Variants in CCDC13 observed in about 807,000 individuals in gnomAD.
CCDC13 encodes coiled-coil domain-containing protein 13.
A neutral mutation model predicts 87.3 loss-of-function variants in CCDC13; 70 were observed. The ratio of observed to expected loss-of-function variants is 0.80; its 90% CI spans 0.66 to 0.98. CCDC13 has a LOEUF of 0.98. Ranked by LOEUF, CCDC13 falls within the 50% of genes least tolerant of loss-of-function variation. CCDC13 has a pLI of 0.00. For synonymous variants in CCDC13, 317 were observed against 360.3 expected (o/e 0.88, Z 1.36); for missense variants, 842 against 892.0 (o/e 0.94, Z 0.71).
At chr3:42,748,583 G>T (rs1699485123) in intron 5 of CCDC13, among the ~76,000 whole-genome samples, 1 of 152,196 alleles carries the variant, frequency 6.6e-6, no homozygotes, top group African/African-American at 2.4e-5. Flanking sequence ...CAAGTATACT[G>T]GGTCCGGGAA....
At chr3:42,731,989 G>A (rs1423264280) in intron 12 of CCDC13, among the ~76,000 whole-genome samples, 13 of 152,218 alleles carry the variant, frequency 8.5e-5, no homozygotes, top group Admixed American at 7.2e-4. Flanking sequence ...CCTGGAAGGG[G>A]CTCGAAGGGG....
chr3:42,752,654 C>A lies in CCDC13; in HGVS notation c.434G>T (p.Arg145Leu). 6.2e-7 allele frequency: 1 copy of A among 1,614,202 alleles called. No homozygotes were observed. The highest frequency in any genetic ancestry group is 8.5e-7 in the Non-Finnish European group (1 of 1,180,034). ...TKIVELSKKN[R>L]LLMAESEGAK... ...ACCCTCTGATTCTGCCATCAACAGC[C>A]GGTTCTTTTTTGATAGCTCCACAAT... Residue 145 changes from arginine to leucine, a missense_variant, in exon 4 of 16, where the codon CGG becomes CTG. By Grantham distance (102) the Arg-to-Leu change is moderately radical. Transcript: ENST00000310232.
intron 6 of CCDC13, chr3:42,746,922 C>T (rs1250822661): frequency 2.3e-6 from 1 of 428,472 alleles, no homozygotes; most frequent in East Asian, 5.1e-5. Context: ...CCAGGATCTA[C>T]TGGGGCACAA....
rs1364835120 is a variant in CCDC13, at chr3:42,722,821, G to A, written c.1718+7646C>T. ...TTTTTTTTTTTTTTTTTTTGGAGAC[G>A]AGTCTCGCTCAGTCACCCAGGCTGG... On this transcript the variant is annotated intron_variant, in intron 13 of 15. Coordinates refer to ENST00000310232, the MANE Select transcript of CCDC13 (RefSeq NM_144719.4). Among the ~76,000 whole-genome samples the A allele has an allele frequency of 7.7e-5, 10 of 130,450 alleles. No individual in the cohort carries two copies. The South Asian group carries it at 2.2e-3, about 29-fold the overall frequency. 85.6% of individuals were successfully genotyped at this position (130,450 alleles called of 152,430 possible). A position where few individuals can be genotyped will look rare whatever the true frequency, so the allele number is the denominator to read the frequency against.
At chr3:42,730,256 G>A (rs1210961848) in intron 13 of CCDC13, among the ~76,000 whole-genome samples, 1 of 152,080 alleles carries the variant, frequency 6.6e-6, no homozygotes, top group African/African-American at 2.4e-5. Flanking sequence ...CCCATTGGGT[G>A]CATGTAGAAT....
chr3:42,724,347 T>C (rs1698638381), intron 13 of CCDC13, among the ~76,000 whole-genome samples: 1 of 152,220 alleles, frequency 6.6e-6, no homozygotes, highest in Non-Finnish European at 1.5e-5. Flanking sequence ...CATCTTCAGC[T>C]TCCAATCTAT....
intron 3 of CCDC13, among the ~76,000 whole-genome samples, chr3:42,755,422 C>T (rs879781790): frequency 1.3e-5 from 2 of 152,146 alleles, no homozygotes; most frequent in African/African-American, 2.4e-5. Context: ...GACTAGCCAA[C>T]ATGGTGAAAC....
At chr3:42,764,260 G>C (rs1312224948) in intron 1 of CCDC13, among the ~76,000 whole-genome samples, 1 of 152,174 alleles carries the variant, frequency 6.6e-6, no homozygotes, top group African/African-American at 2.4e-5. Context: ...GGTATAATGA[G>C]GCGTGTCCAA....
chr3:42,729,376 G>A (rs761134576), intron 13 of CCDC13, among the ~76,000 whole-genome samples: 3 of 152,196 alleles, frequency 2.0e-5, no homozygotes, highest in Admixed American at 6.5e-5. Flanking sequence ...TGTACTATGT[G>A]AAAGCAAAGC....
chr3:42,767,229 G>T (rs973021043), intron 1 of CCDC13, among the ~76,000 whole-genome samples: 34 of 150,974 alleles, frequency 2.3e-4, no homozygotes, highest in African/African-American at 8.3e-4. Flanking sequence ...AAGGTTGCAA[G>T]AAGTAAGGTT....
At chr3:42,729,937 G>A (rs1383598336) in intron 13 of CCDC13, among the ~76,000 whole-genome samples, 1 of 152,216 alleles carries the variant, frequency 6.6e-6, no homozygotes, top group Non-Finnish European at 1.5e-5. Context: ...GATCATTTGA[G>A]CGAGGAGCAC....
intron 11 of CCDC13, 151 bp downstream of exon 11, chr3:42,733,319 T>C (rs1265034712): frequency 9.4e-6 from 9 of 959,168 alleles, no homozygotes; most frequent in Middle Eastern, 2.4e-4. Flanking sequence ...GCAGAGCTAA[T>C]GTCATAGGAG....
rs75296535 is a variant in CCDC13, at chr3:42,707,423, G to T, written c.*1557C>A. ...AACTTGCTGTGGGATCTCTAGATCC[G>T]TGTGACCCCATGCAGGGTCAGGGGC... On this transcript the variant is annotated 3_prime_UTR_variant, in exon 16 of 16. Transcript: ENST00000310232. 7.5e-4 allele frequency among the ~76,000 whole-genome samples: 114 copies of T among 152,250 alleles called. No individual in the cohort carries two copies. The East Asian group carries it at 0.016, about 22-fold the overall frequency.
At chr3:42,735,952 G>C (rs1457080781) in intron 9 of CCDC13, 39 bp from the exon 10 acceptor site, 4 of 1,576,832 alleles carry the variant, frequency 2.5e-6, no homozygotes, top group Non-Finnish European at 3.5e-6. Context: ...AGTCAGTCAT[G>C]GCCCTTTGGG....
At chr3:42,739,567 A>G in intron 9 of CCDC13, 67 bp downstream of exon 9, 1 of 1,537,446 alleles carries the variant, frequency 6.5e-7, no homozygotes, top group South Asian at 1.2e-5. Flanking sequence ...CACTCTGGCC[A>G]TGGCTGGGGC....
intron 13 of CCDC13, among the ~76,000 whole-genome samples, chr3:42,715,248 A>G (rs1040525233): frequency 6.6e-6 from 1 of 151,708 alleles, no homozygotes; most frequent in Admixed American, 6.6e-5. Flanking sequence ...GGTGGAGGTT[A>G]CAGTGAGCTG....
chr3:42,711,591 C>T (rs1464026009), intron 14 of CCDC13, among the ~76,000 whole-genome samples: 1 of 152,238 alleles, frequency 6.6e-6, no homozygotes, highest in African/African-American at 2.4e-5. Context: ...AGCTAAGCTT[C>T]CAAGCACCGA....
intron 3 of CCDC13, among the ~76,000 whole-genome samples, chr3:42,755,597 A>G (rs1364947908): frequency 6.6e-6 from 1 of 152,192 alleles, no homozygotes; most frequent in South Asian, 2.1e-4. Context: ...ACAGAGCAAG[A>G]CTCTGTCTCA....
At chr3:42,738,618 G>T (rs2125889681) in intron 9 of CCDC13, among the ~76,000 whole-genome samples, 1 of 152,248 alleles carries the variant, frequency 6.6e-6, no homozygotes, top group Non-Finnish European at 1.5e-5. Flanking sequence ...TCTTGAAGAG[G>T]TTCTTCACAT....
Sources: gnomAD v4.1 joint callset for allele counts (sites outside exome capture counted in the v4.1 genomes callset) on GRCh38, gnomAD v4.1.1 for gene constraint, MANE v1.5 for transcripts, NCBI Gene and HGNC (gene_info 2026-07-23, HGNC 2026-07-21) for gene names.